Variants in PLXNA1 observed in about 807,000 individuals in gnomAD.
The protein encoded by PLXNA1 is plexin A1.
In PLXNA1, 77 loss-of-function variants were observed where a neutral mutation model predicts 191.7. The ratio of observed to expected loss-of-function variants is 0.40; its 90% confidence interval spans 0.33 to 0.49. The LOEUF (loss-of-function observed/expected upper bound fraction) is 0.49, where lower values mean the gene tolerates loss of function less well. Ranked by LOEUF, PLXNA1 falls within the 20% of genes least tolerant of loss-of-function variation. PLXNA1 has a pLI of 0.63. For missense variants in PLXNA1, 2,110 were observed against 2,660.2 expected (o/e 0.79, Z 4.55); for synonymous variants, 1,137 against 1,156.4 (o/e 0.98, Z 0.34).
At chr3:127,024,427 A>C (rs1433547780) in intron 23 of PLXNA1, among the ~76,000 whole-genome samples, 1 of 152,044 alleles carries the variant, frequency 6.6e-6, no homozygotes, top group Admixed American at 6.6e-5. Flanking sequence ...ACAGGCGCTG[A>C]GGGATGTGTG....
At chr3:126,983,663 G>A (rs1163935741) in intron 1 of PLXNA1, among the ~76,000 whole-genome samples, 1 of 150,562 alleles carries the variant, frequency 6.6e-6, no homozygotes, top group Non-Finnish European at 1.5e-5. Flanking sequence ...GGGGTGGCGG[G>A]GGGCGGGCGC....
chr3:127,023,938 C>T (rs1228782845), intron 23 of PLXNA1, among the ~76,000 whole-genome samples: 3 of 152,000 alleles, frequency 2.0e-5, no homozygotes, highest in Admixed American at 6.6e-5. Context: ...TGTCCTGGGT[C>T]GTCTCTGGAG....
At chr3:127,006,916 G>GA (rs1417448816) in intron 8 of PLXNA1, among the ~76,000 whole-genome samples, 1 of 152,230 alleles carries the variant, frequency 6.6e-6, no homozygotes, top group East Asian at 1.9e-4. Context: ...CCCAGGCTGA[G>GA]GCAGTAGGGT....
rs764817753 is a variant in PLXNA1 at position 127,006,145 on chromosome 3, A to G, written c.1964A>G (p.Asp655Gly). 22 of 1,613,566 alleles carry G rather than the reference A, an allele frequency of 1.4e-5. No homozygotes were observed. In the Middle Eastern group the frequency reaches 4.9e-4, roughly 36 times the overall value. Residue 655 changes from aspartate (D) to glycine (G), a missense_variant, in exon 8 of 32, where the codon GAC becomes GGC. Transcript: ENST00000393409. Reference protein sequence around the residue: ...KETGKKFASVDFVFYNCSVHQ... With the variant: ...KETGKKFASVGFVFYNCSVHQ... The stretch of plus-strand genomic sequence containing the variant: ...ACAGGGAAGAAGTTTGCGTCTGTGG[A>G]CTTCGTCTTCTACAACTGCAGCGTC...
chr3:127,002,288 C>T (rs1395372207), intron 3 of PLXNA1, among the ~76,000 whole-genome samples: 3 of 152,230 alleles, frequency 2.0e-5, no homozygotes, highest in Non-Finnish European at 4.4e-5. Flanking sequence ...GGCAGCTGAG[C>T]GGATGTGGGG....
intron 28 of PLXNA1, 53 bp from the exon 29 acceptor site, chr3:127,030,190 G>A (rs1576692636): frequency 1.3e-6 from 2 of 1,598,268 alleles, no homozygotes; most frequent in Non-Finnish European, 1.7e-6. Flanking sequence ...CCCAGGAGGT[G>A]TAGGCAGCCA....
Position 127,027,895 on chromosome 3 carries a change from A to G in PLXNA1, c.4363-45A>G, listed in dbSNP as rs761026902. On this transcript the variant is annotated intron_variant, in intron 23 of 31. Transcript: ENST00000393409. ...ACGGGTGGAGGGGCAGGTTGGGGGTAGGCCCGGGGGTCCTGGCTGCAGCCT... is the reference window on the plus strand; with the variant it reads ...ACGGGTGGAGGGGCAGGTTGGGGGTGGGCCCGGGGGTCCTGGCTGCAGCCT... The G allele has an allele frequency of 6.5e-5, 105 of 1,610,016 alleles. No homozygotes were observed. In the East Asian group the frequency reaches 1.8e-3, roughly 28 times the overall value.
chr3:127,006,073 G>A lies in PLXNA1; in HGVS notation c.1898-6G>A, dbSNP rs376490593. 129 of 1,610,800 alleles carry A rather than the reference G, an allele frequency of 8.0e-5. 1 individual carries two copies. In the South Asian group the frequency reaches 1.2e-3, roughly 14 times the overall value. ...TCCTGGTGACTCAGCCATGCTGCTC[G>A]TGCAGGAGACCAGCGGGTGGTGAAA... is the stretch of plus-strand genomic sequence containing the variant. On this transcript the variant is annotated splice_polypyrimidine_tract_variant and splice_region_variant and intron_variant, in intron 7 of 31. Coordinates refer to ENST00000393409, the MANE Select transcript of PLXNA1 (RefSeq NM_032242.4).
intron 29 of PLXNA1, among the ~76,000 whole-genome samples, chr3:127,032,129 T>C (rs2079214580): frequency 6.6e-6 from 1 of 152,256 alleles, no homozygotes; most frequent in Non-Finnish European, 1.5e-5. Context: ...ATCTTGCCCT[T>C]GTGCAAACGA....
rs756149761 is a variant in PLXNA1 at position 127,022,273 on chromosome 3, G to A, written c.4227G>A (p.Lys1409=). Residue 1409 remains lysine (K), a synonymous_variant, in exon 22 of 32, where the codon AAG becomes AAA. Coordinates refer to ENST00000393409, the MANE Select transcript of PLXNA1 (RefSeq NM_032242.4). ...TGGAATACGCCACAGGCGTGCTCAA[G>A]CAGCTGCTTTCCGACCTCATCGAGA... ...GEMEYATGVL[K]QLLSDLIEKN... 1.6e-5 allele frequency: 26 copies of A among 1,613,442 alleles called. No homozygotes were observed. The East Asian group carries it at 4.9e-4, about 30-fold the overall frequency.
Position 127,034,164 on chromosome 3 carries a change from C to A in PLXNA1, c.*147C>A. On this transcript the variant is annotated 3_prime_UTR_variant, in exon 32 of 32. Coordinates refer to ENST00000393409, the MANE Select transcript of PLXNA1 (RefSeq NM_032242.4). ...GCCCGGCCCTCCCTCCCCTGCCTCA[C>A]CCGGTCGGGTCCCGGCTCTTCCTGT... 1.5e-6 allele frequency: 1 copy of A among 678,224 alleles called. No individual in the cohort carries two copies. The highest frequency in any genetic ancestry group is 2.0e-5 in the South Asian group (1 of 49,538). The allele number at this position is 678,224 out of a possible 1,614,324, so 42.0% of individuals were successfully genotyped here. A position where few individuals can be genotyped will look rare whatever the true frequency, so the allele number is the denominator to read the frequency against.
In PLXNA1 at chr3:127,018,425, C is replaced by A. The variant is rs4679323; in HGVS notation, c.3792C>A (p.Leu1264=). The A allele has an allele frequency of 0.67, 1,077,032 of 1,612,736 alleles. 364,164 individuals carry two copies. Among genetic ancestry groups the A allele is most frequent in the Non-Finnish European group, 0.7 (820,618 of 1,179,858 alleles). ...GLLLLVIVAV[L]IAYKRKSRDA... is the part of the protein sequence containing the mutation. Reference sequence around the variant, plus strand: ...TGCTGCTGGTCATCGTGGCTGTGCTCATCGCCTACAAGCGCAAGTCACGAG... The same window carrying A: ...TGCTGCTGGTCATCGTGGCTGTGCTAATCGCCTACAAGCGCAAGTCACGAG... The change falls in exon 20 of 32, where the codon CTC becomes CTA. Residue 1264 remains leucine, a synonymous_variant. Coordinates refer to ENST00000393409, the MANE Select transcript of PLXNA1 (RefSeq NM_032242.4).
chr3:127,021,819 G>A (rs1252491633), intron 21 of PLXNA1, among the ~76,000 whole-genome samples: 2 of 152,230 alleles, frequency 1.3e-5, no homozygotes, highest in Non-Finnish European at 2.9e-5. Flanking sequence ...TTCTCAGGCT[G>A]CCACAGGGAC....
At position 127,014,771 on chromosome 3, in the gene PLXNA1, G is replaced by A; in HGVS notation, c.2817G>A (p.Val939=). Residue 939 remains valine (V), a synonymous_variant, in exon 14 of 32, where the codon GTG becomes GTA. Coordinates refer to ENST00000393409, the MANE Select transcript of PLXNA1 (RefSeq NM_032242.4). ...GTGCCCATGACGCCCTGGTGGAGGT[G>A]TGTGTGCGGGACTGCTCACCACACT... The part of the protein sequence containing the change: ...SVRAHDALVE[V]CVRDCSPHYR... The A allele has an allele frequency of 6.2e-7, 1 of 1,612,788 alleles. No homozygotes were observed. Among genetic ancestry groups the A allele is most frequent in the South Asian group, 1.1e-5 (1 of 91,068 alleles).
intron 1 of PLXNA1, among the ~76,000 whole-genome samples, chr3:126,986,676 C>T (rs922043151): frequency 1.3e-5 from 2 of 151,990 alleles, no homozygotes; most frequent in African/African-American, 2.4e-5. Flanking sequence ...CCATTCTGGC[C>T]GGGAGAATGG....
chr3:127,030,385 A>G lies in PLXNA1; in HGVS notation c.5204A>G (p.Asp1735Gly). 1 of 1,613,944 alleles carries G rather than the reference A, an allele frequency of 6.2e-7. No individual in the cohort carries two copies. Among genetic ancestry groups the G allele is most frequent in the Non-Finnish European group, 8.5e-7 (1 of 1,179,994 alleles). ...QADKHQIHDA[D>G]VRHTWKSNCL... The stretch of plus-strand genomic sequence containing the variant: ...GACAAGCACCAGATCCACGATGCTG[A>G]CGTGCGCCACACCTGGAAGAGCAAC... The change falls in exon 29 of 32, where the codon GAC becomes GGC. Residue 1735 changes from aspartate to glycine, a missense_variant. By Grantham distance (94) the Asp-to-Gly change is moderately conservative. This residue lies in a region of PLXNA1 where 559 missense variants were observed against 911.5 expected (regional missense o/e 0.61). Transcript: ENST00000393409.
chr3:127,000,493 T>C (rs1327395373), intron 3 of PLXNA1, among the ~76,000 whole-genome samples: 2 of 152,178 alleles, frequency 1.3e-5, no homozygotes, highest in South Asian at 2.1e-4. Flanking sequence ...TCACCTGCCG[T>C]CTGTGCCCCT....
At chr3:126,991,673 G>T (rs1319169017) in intron 3 of PLXNA1, 107 bp downstream of exon 3, 1 of 1,225,354 alleles carries the variant, frequency 8.2e-7, no homozygotes, top group Non-Finnish European at 1.1e-6. Context: ...TGGGAGGCTA[G>T]ATCTGGCGTA....
chr3:126,984,933 C>G (rs561494990), intron 1 of PLXNA1, among the ~76,000 whole-genome samples: 8 of 152,278 alleles, frequency 5.3e-5, no homozygotes, highest in African/African-American at 1.2e-4. Flanking sequence ...AGAGCCGGAT[C>G]CCCTAGGACT....
Sources: gnomAD v4.1 joint callset for allele counts (sites outside exome capture counted in the v4.1 genomes callset) on GRCh38, gnomAD v4.1.1 for gene constraint, gnomAD v4.1.1 regional missense constraint, MANE v1.5 for transcripts, NCBI Gene and HGNC (gene_info 2026-07-23, HGNC 2026-07-21) for gene names.